Variants in MYO18B observed in about 807,000 individuals in gnomAD.
The protein encoded by MYO18B is myosin XVIIIB, also known as unconventional myosin-XVIIIb.
Under a neutral mutation model 273.0 loss-of-function variants are expected in MYO18B, and 204 were observed. That is an observed-to-expected ratio of 0.75 (90% confidence interval 0.67 to 0.84). The LOEUF is 0.84. Among genes scored for constraint, MYO18B ranks in the 40% least tolerant of loss-of-function variants. The pLI is 0.00. For synonymous variants in MYO18B, 1,330 were observed against 1,305.7 expected, an observed-to-expected ratio of 1.02 and a Z score of -0.40; for missense variants, 3,212 against 3,287.6, an observed-to-expected ratio of 0.98 and a Z score of 0.56.
intron 34 of MYO18B, among the ~76,000 whole-genome samples, chr22:25,929,150 G>A (rs1483445260): frequency 1.3e-4 from 11 of 84,294 alleles, no homozygotes; most frequent in Non-Finnish European, 1.9e-4. Flanking sequence ...CAACAAGAGC[G>A]AAACTGTCTC....
At chr22:25,829,521 A>AT (rs898579310) in intron 15 of MYO18B, among the ~76,000 whole-genome samples, 10 of 112,624 alleles carry the variant, frequency 8.9e-5, no homozygotes, top group Admixed American at 8.5e-4. Flanking sequence ...TTCTTTTTTC[A>AT]TAAAAAAAAA....
intron 22 of MYO18B, among the ~76,000 whole-genome samples, chr22:25,873,089 CT>C (rs2091092913): frequency 6.6e-6 from 1 of 152,176 alleles, no homozygotes; most frequent in Admixed American, 6.5e-5. Flanking sequence ...GGCCCAGAAG[CT>C]TCAGGTTCTC....
chr22:25,965,717 G>A (rs535259351), intron 39 of MYO18B, among the ~76,000 whole-genome samples: 2 of 152,314 alleles, frequency 1.3e-5, no homozygotes, highest in South Asian at 4.1e-4. Flanking sequence ...TGTGTTTTGA[G>A]TACGTATTAC....
rs184613938 is a variant in MYO18B at position 25,760,859 on chromosome 22, G to A, written c.-109-125G>A. On this transcript the variant is annotated intron_variant, in intron 1 of 43. Coordinates refer to ENST00000335473, the MANE Select transcript of MYO18B (RefSeq NM_032608.7). ...CTTGCAGAGGTAGCTGACAGTGTCT[G>A]TACCTGACTGTGCCCATTCCCCCAT... 484 of 593,260 alleles carry A rather than the reference G, an allele frequency of 8.2e-4. 2 individuals carry two copies. The highest frequency in any genetic ancestry group is 8.2e-3 in the African/African-American group (441 of 54,074). The allele number at this position is 593,260 out of a possible 1,614,324, so 36.7% of individuals were successfully genotyped here.
Position 25,866,963 on chromosome 22 carries a change from G to A in MYO18B, c.3886-1357G>A, listed in dbSNP as rs1478944172. Among the ~76,000 whole-genome samples, 10 of 152,078 alleles carry A rather than the reference G, an allele frequency of 6.6e-5. 1 individual carries two copies. Among genetic ancestry groups the A allele is most frequent in the Admixed American group, 5.9e-4 (9 of 15,260 alleles). ...AGCAATGAGAGAAGCATAGAGCGGGGAGGCTATCACAGGAGGACTTAGTGA... is the reference window on the plus strand; with the variant it reads ...AGCAATGAGAGAAGCATAGAGCGGGAAGGCTATCACAGGAGGACTTAGTGA... On this transcript the variant is annotated intron_variant, in intron 21 of 43. Coordinates refer to ENST00000335473, the MANE Select transcript of MYO18B (RefSeq NM_032608.7).
intron 21 of MYO18B, 21 bp from the exon 22 acceptor site, chr22:25,868,299 T>A (rs1158503027): frequency 6.3e-7 from 1 of 1,586,982 alleles, no homozygotes; most frequent in East Asian, 2.3e-5. Flanking sequence ...CTGTCTAACT[T>A]CTCTCTAATT....
In MYO18B at chr22:25,908,423, C is replaced by G; in HGVS notation, c.5250C>G (p.Cys1750Trp). The change falls in exon 32 of 44, where the codon TGC becomes TGG. Residue 1750 changes from cysteine to tryptophan, a missense_variant. Physicochemically the swap from Cys to Trp is radical, Grantham distance 215. Coordinates refer to ENST00000335473, the MANE Select transcript of MYO18B (RefSeq NM_032608.7). ...AACTGGAGGATGTCCGTCAGTCCTGCCAGAAGCGGGTACGTGAGCAGTGAA... is the reference window on the plus strand; with the variant it reads ...AACTGGAGGATGTCCGTCAGTCCTGGCAGAAGCGGGTACGTGAGCAGTGAA... ...EEELEDVRQS[C>W]QKRLHQLEMQ... 1 of 1,587,886 alleles carries G rather than the reference C, an allele frequency of 6.3e-7. No homozygotes were observed.
At chr22:26,004,662 T>C in intron 41 of MYO18B, 56 bp from the exon 42 acceptor site, 1 of 1,598,828 alleles carries the variant, frequency 6.3e-7, no homozygotes, top group South Asian at 1.1e-5. Flanking sequence ...AATATCTAAT[T>C]ATTGCTGTTA....
At chr22:25,906,698 C>T (rs2092051416) in intron 31 of MYO18B, among the ~76,000 whole-genome samples, 1 of 152,098 alleles carries the variant, frequency 6.6e-6, no homozygotes, top group African/African-American at 2.4e-5. Context: ...TTAATTGACT[C>T]ACAGTTCCAC....
chr22:25,890,960 C>A (rs985883491), intron 26 of MYO18B, 85 bp downstream of exon 26: 10 of 1,519,336 alleles, frequency 6.6e-6, no homozygotes, highest in Non-Finnish European at 8.0e-6. Context: ...CATTGGAGAT[C>A]AGTAAGCTTA....
At chr22:25,835,221 C>G in intron 16 of MYO18B, 75 bp from the exon 17 acceptor site, 2 of 1,504,136 alleles carry the variant, frequency 1.3e-6, no homozygotes, top group Non-Finnish European at 1.8e-6. Flanking sequence ...CATTCCCTAT[C>G]GGTGGGAAGA....
At position 25,769,213 on chromosome 22, in the gene MYO18B, G is replaced by A; in HGVS notation, c.1297G>A (p.Gly433Arg). Residue 433 changes from glycine to arginine, a missense_variant, in exon 4 of 44, where the codon GGG becomes AGG. By Grantham distance (125) the Gly-to-Arg change is moderately radical (BLOSUM62 -2). Transcript: ENST00000335473. ...STMVESPAAPGKGGWPGSRGQ... is the reference protein window; with the variant it reads ...STMVESPAAPRKGGWPGSRGQ... ...AATGGTGGAGTCGCCAGCAGCTCCT[G>A]GGAAGGGAGGCTGGCCAGGAAGCCG... The A allele has an allele frequency of 6.2e-7, 1 of 1,605,326 alleles. No homozygotes were observed. Among genetic ancestry groups the A allele is most frequent in the East Asian group, 2.2e-5 (1 of 44,518 alleles).
intron 40 of MYO18B, among the ~76,000 whole-genome samples, chr22:25,993,629 G>A (rs1932927654): frequency 6.6e-6 from 1 of 152,170 alleles, no homozygotes; most frequent in Non-Finnish European, 1.5e-5. Flanking sequence ...CATACACTGA[G>A]CTAGAACTCA....
At chr22:26,053,248 T>G in the MYO18B span, among the ~76,000 whole-genome samples, 1 of 152,244 alleles carries the variant, frequency 6.6e-6, no homozygotes, top group African/African-American at 2.4e-5. Context: ...CTAATATCAC[T>G]GTCATCATCA....
chr22:26,023,772 C>T (rs914989786), intron 42 of MYO18B, among the ~76,000 whole-genome samples: 19 of 152,132 alleles, frequency 1.2e-4, no homozygotes, highest in Non-Finnish European at 2.9e-5. Context: ...GTCAGTTCTG[C>T]GGCAGCCCAC....
chr22:25,936,262 C>T (rs1467824748), intron 34 of MYO18B, among the ~76,000 whole-genome samples: 1 of 152,060 alleles, frequency 6.6e-6, no homozygotes, highest in African/African-American at 2.4e-5. Flanking sequence ...TTCATCATCA[C>T]CAGAGAGGAA....
At chr22:25,801,460 G>A (rs1025971861) in intron 12 of MYO18B, among the ~76,000 whole-genome samples, 1 of 152,226 alleles carries the variant, frequency 6.6e-6, no homozygotes, top group African/African-American at 2.4e-5. Context: ...CTGAGCCTCA[G>A]TCTCTTCCTC....
chr22:25,946,123 C>G lies in MYO18B; in HGVS notation c.5518-14C>G. 6.8e-7 allele frequency: 1 copy of G among 1,477,074 alleles called. No homozygotes were observed. The highest frequency in any genetic ancestry group is 9.0e-7 in the Non-Finnish European group (1 of 1,105,600). 91.5% of individuals were successfully genotyped at this position (1,477,074 alleles called of 1,614,324 possible). ...TTTTCTTTTCTTCTCTTCTCCACCT[C>G]TTGCCTGGTCCAGCTGGAGCAGAGT... On this transcript the variant is annotated splice_polypyrimidine_tract_variant and intron_variant, in intron 34 of 43. Coordinates refer to ENST00000335473, the MANE Select transcript of MYO18B (RefSeq NM_032608.7).
At chr22:25,930,799 T>C (rs2092488372) in intron 34 of MYO18B, among the ~76,000 whole-genome samples, 1 of 152,120 alleles carries the variant, frequency 6.6e-6, no homozygotes, top group Non-Finnish European at 1.5e-5. Flanking sequence ...GTCCTTCCAC[T>C]TGGGAATTCT....
Sources: allele counts gnomAD v4.1 joint callset (sites outside exome capture counted in the v4.1 genomes callset), GRCh38; gene constraint gnomAD v4.1.1; transcripts MANE v1.5; gene names NCBI Gene and HGNC (gene_info 2026-07-23, HGNC 2026-07-21).